Variants in BRD4 observed in about 807,000 individuals in gnomAD.
The protein encoded by BRD4 is bromodomain containing 4.
BRD4 carries 16 observed loss-of-function variants against 142.1 expected under a neutral mutation model. That is an observed-to-expected ratio of 0.11 (90% CI 0.08 to 0.17). The LOEUF (loss-of-function observed/expected upper bound fraction) is 0.17, where lower values mean the gene tolerates loss of function less well. BRD4 is among the 10% of genes least tolerant of loss of function. The probability of loss-of-function intolerance (pLI) is 1.00; values close to 1 mark genes in which losing one functional copy is unlikely to be tolerated. For missense variants in BRD4, 1,424 were observed against 1,810.9 expected (o/e 0.79, Z 3.88); for synonymous variants, 833 against 707.5 (o/e 1.18, Z -2.82).
At chr19:15,249,269 G>A (rs751628701) in intron 11 of BRD4, 16 of 1,613,890 alleles carry the variant, frequency 9.9e-6, no homozygotes, top group Middle Eastern at 1.6e-4. Flanking sequence ...TTAAGAGTCC[G>A]TGTCCAATGA....
Position 15,239,059 on chromosome 19 carries a change from C to T in BRD4, c.3782G>A (p.Arg1261Lys). The change falls in exon 18 of 20, where the codon AGG becomes AAG. Residue 1261 changes from arginine to lysine, a missense_variant and splice_region_variant. Transcript: ENST00000679869. This position sits in a 1 kb window ranked among gnomAD's most constrained non-coding sequence, Gnocchi z 7.4. ...ATGCCCCACCCAGACACCCGCCCAC[C>T]TCATGCGCTCCTGCCGCAGCCGCTC... ...EKERLRQERM[R>K]SREDEDALEQ... The T allele has an allele frequency of 6.3e-7, 1 of 1,589,976 alleles. No individual in the cohort carries two copies. Among genetic ancestry groups the T allele is most frequent in the Non-Finnish European group, 8.5e-7 (1 of 1,172,458 alleles).
chr19:15,248,637 C>G (rs2047313381), intron 11 of BRD4: 1 of 227,464 alleles, frequency 4.4e-6, no homozygotes, highest in Non-Finnish European at 8.7e-6. Flanking sequence ...GGAGGAAAGA[C>G]TCCAAAAGGC....
chr19:15,305,607 G>C (rs1203217162), intron 1 of BRD4, among the ~76,000 whole-genome samples: 2 of 152,176 alleles, frequency 1.3e-5, no homozygotes, highest in Non-Finnish European at 2.9e-5. Context: ...TCCCTTTACA[G>C]AGCACAGGCA....
chr19:15,323,688 CTCCCCTGGTGCTGGCTGACAATG>C (rs2048084097), intron 1 of BRD4, among the ~76,000 whole-genome samples: 1 of 152,172 alleles, frequency 6.6e-6, no homozygotes, highest in African/African-American at 2.4e-5. Context: ...CCCAACACCT[CTCCCCTGGTGCTGGCTGACAATG>C]TACCAGTGTC....
At chr19:15,260,916 G>A (rs753876256) in intron 7 of BRD4, among the ~76,000 whole-genome samples, 1 of 152,122 alleles carries the variant, frequency 6.6e-6, no homozygotes, top group Non-Finnish European at 1.5e-5. Context: ...AAATGAGGAA[G>A]GAAGGGCTAG....
intron 1 of BRD4, among the ~76,000 whole-genome samples, chr19:15,309,851 G>A (rs899346503): frequency 2.0e-5 from 3 of 152,092 alleles, no homozygotes; most frequent in Non-Finnish European, 2.9e-5. Context: ...TCACTGTGCC[G>A]GAGTGAAGGA....
chr19:15,240,133 C>A, intron 14 of BRD4, 111 bp from the exon 15 acceptor site: 1 of 1,435,274 alleles, frequency 7.0e-7, no homozygotes, highest in Non-Finnish European at 9.2e-7. Context: ...ATGTGCCGCC[C>A]AGGCCCTGGG....
intron 1 of BRD4, among the ~76,000 whole-genome samples, chr19:15,319,145 G>A (rs2048040580): frequency 6.6e-6 from 1 of 152,144 alleles, no homozygotes; most frequent in Non-Finnish European, 1.5e-5. Context: ...AGACCAGCCT[G>A]GGCAACATAG....
In BRD4 at chr19:15,244,344, A is replaced by T. The variant is rs1208573666; in HGVS notation, c.2468T>A (p.Phe823Tyr). The T allele has an allele frequency of 1.9e-6, 3 of 1,602,544 alleles. No individual in the cohort carries two copies. In the Admixed American group the frequency reaches 5.1e-5, roughly 27 times the overall value. The change falls in exon 13 of 20, where the codon TTC (phenylalanine) becomes TAC (tyrosine). Residue 823 changes from phenylalanine to tyrosine, a missense_variant. Coordinates refer to ENST00000679869, the MANE Select transcript of BRD4 (RefSeq NM_001379291.1). ...PGSVFDPIGH[F>Y]TQPILHLPQP... ...CGGCAGGTGCAGGATGGGCTGGGTG[A>T]AGTGGCCGATGGGGTCAAAGACGCT...
intron 1 of BRD4, among the ~76,000 whole-genome samples, chr19:15,304,202 C>T (rs1026744802): frequency 8.5e-5 from 13 of 152,146 alleles, no homozygotes; most frequent in Non-Finnish European, 4.4e-5. Flanking sequence ...TAAATGCTGA[C>T]GACTACCAGG....
Position 15,265,609 on chromosome 19 carries a change from G to A in BRD4, c.594C>T (p.Asn198=), listed in dbSNP as rs199563725. The stretch of plus-strand genomic sequence containing the variant: ...GCGGAGGAGTCGATGCTTGAGTTGT[G>A]TTTGGTACCGTGGAAACGCCAGGTT... ...TAKPGVSTVP[N]TTQASTPPQT... The change falls in exon 5 of 20, where the codon AAC becomes AAT. Residue 198 remains asparagine, a synonymous_variant. Coordinates refer to ENST00000679869, the MANE Select transcript of BRD4 (RefSeq NM_001379291.1). 6 of 1,614,024 alleles carry A rather than the reference G, an allele frequency of 3.7e-6. No homozygotes were observed. The African/African-American group carries it at 8.0e-5, about 22-fold the overall frequency.
chr19:15,265,808 C>T (rs2047528653), intron 4 of BRD4, among the ~76,000 whole-genome samples, 165 bp from the exon 5 acceptor site: 1 of 152,114 alleles, frequency 6.6e-6, no homozygotes, highest in Non-Finnish European at 1.5e-5. Context: ...TCCACCTGTC[C>T]CTGGGGCTCA....
intron 1 of BRD4, among the ~76,000 whole-genome samples, chr19:15,314,928 G>T (rs1162289380): frequency 6.6e-6 from 1 of 152,188 alleles, no homozygotes; most frequent in Admixed American, 6.6e-5. Context: ...TCTGGAAGAA[G>T]AATCAAATGA....
rs1749024105 is a variant in BRD4 at position 15,235,705 on chromosome 19, G to A, written c.*2672C>T. On this transcript the variant is annotated 3_prime_UTR_variant, in exon 20 of 20. Transcript: ENST00000679869. ...CGATCCGTGCATACAGTACAGTGGG[G>A]GCTTGTACACACCTCTTACTCTGGT... The A allele has an allele frequency of 6.6e-6, 1 of 152,162 alleles. No individual in the cohort carries two copies. Among genetic ancestry groups the A allele is most frequent in the Non-Finnish European group, 1.5e-5 (1 of 68,040 alleles). The allele number at this position is 152,162 out of a possible 1,614,324, so 9.4% of individuals were successfully genotyped here. A position where few individuals can be genotyped will look rare whatever the true frequency, so the allele number is the denominator to read the frequency against.
rs376586414 is a variant in BRD4 at position 15,265,450 on chromosome 19, C to T, written c.753G>A (p.Pro251=). The T allele has an allele frequency of 2.1e-5, 33 of 1,547,814 alleles. No individual in the cohort carries two copies. In the South Asian group the frequency reaches 2.4e-4, roughly 11 times the overall value. ...VVPPQPLQTP[P]PVPPQPQPPP... is the part of the protein sequence containing the mutation. ...GGGGTTGTGGCTGGGGGGGCACTGG[C>T]GGGGGCGTCTGCAGTGGCTGGGGAG... The change falls in exon 5 of 20, where the codon CCG becomes CCA. Residue 251 remains proline, a synonymous_variant. Transcript: ENST00000679869.
At position 15,263,515 on chromosome 19, in the gene BRD4, G is replaced by C; in HGVS notation, c.1246C>G (p.Gln416Glu). The change falls in exon 7 of 20, where the codon CAG (glutamine) becomes GAG (glutamate). Residue 416 changes from glutamine (Q) to glutamate (E), a missense_variant. Coordinates refer to ENST00000679869, the MANE Select transcript of BRD4 (RefSeq NM_001379291.1). ...KLEAREYRDA[Q>E]EFGADVRLMF... The stretch of plus-strand genomic sequence containing the variant: ...AATCGGACGTCAGCACCAAACTCCT[G>C]AGCATCACGGTACTCACGGGCCTCC... The C allele has an allele frequency of 6.2e-7, 1 of 1,614,238 alleles. No homozygotes were observed. Among genetic ancestry groups the C allele is most frequent in the Non-Finnish European group, 8.5e-7 (1 of 1,180,052 alleles).
At chr19:15,330,417 TAAA>T (rs746930432) in intron 1 of BRD4, among the ~76,000 whole-genome samples, 1 of 152,054 alleles carries the variant, frequency 6.6e-6, no homozygotes, top group Non-Finnish European at 1.5e-5. Flanking sequence ...AGTGATAAGA[TAAA>T]AAGATAAAAA....
In BRD4 at chr19:15,263,552, G is replaced by A. The variant is rs2047497686; in HGVS notation, c.1213-4C>T. The A allele has an allele frequency of 1.9e-6, 3 of 1,614,032 alleles. No individual in the cohort carries two copies. The highest frequency in any genetic ancestry group is 2.7e-5 in the African/African-American group (2 of 74,942). On this transcript the variant is annotated splice_polypyrimidine_tract_variant and splice_region_variant and intron_variant, in intron 6 of 19. Coordinates refer to ENST00000679869, the MANE Select transcript of BRD4 (RefSeq NM_001379291.1). ...ACTCACGGGCCTCCAGTTTAGACTG[G>A]AAAACAAGACAAGTCCCTGTTAGCT...
chr19:15,330,793 C>G (rs1014867909), intron 1 of BRD4, among the ~76,000 whole-genome samples: 8 of 152,118 alleles, frequency 5.3e-5, no homozygotes, highest in Non-Finnish European at 1.5e-5. Flanking sequence ...TTGGCAAGAT[C>G]ATAAAACAGA....
Sources: allele counts gnomAD v4.1 joint callset (sites outside exome capture counted in the v4.1 genomes callset), GRCh38; gene constraint gnomAD v4.1.1; non-coding constraint Gnocchi (gnomAD v3.1); transcripts MANE v1.5; gene names NCBI Gene and HGNC (gene_info 2026-07-23, HGNC 2026-07-21).